The following WEE2 variants were observed in gnomAD, a reference collection of about 807,000 sequenced individuals.
WEE2 encodes WEE2 oocyte meiosis inhibiting kinase.
In WEE2, 50 loss-of-function variants were observed where a neutral mutation model predicts 60.1. That is an observed-to-expected ratio of 0.83 (90% CI 0.66 to 1.05). The LOEUF (loss-of-function observed/expected upper bound fraction) is 1.05. Among genes scored for constraint, WEE2 ranks in the 50% least tolerant of loss-of-function variants. WEE2 has a pLI of 0.00. For synonymous variants in WEE2, 240 were observed against 241.0 expected, an observed-to-expected ratio of 1.00 and a Z score of 0.04; for missense variants, 631 against 684.3, an observed-to-expected ratio of 0.92 and a Z score of 0.87.
At chr7:141,717,064 G>A (rs570579994) in intron 3 of WEE2, among the ~76,000 whole-genome samples, 2 of 152,288 alleles carry the variant, frequency 1.3e-5, no homozygotes, top group Admixed American at 1.3e-4. Context: ...CCATTAAGAT[G>A]TTTATAACAC....
chr7:141,726,466 T>C (rs909091515), intron 9 of WEE2, among the ~76,000 whole-genome samples: 3 of 152,098 alleles, frequency 2.0e-5, no homozygotes, highest in Non-Finnish European at 2.9e-5. Flanking sequence ...ACTTCAAATG[T>C]ATTTACAAAT....
At chr7:141,726,631 C>T (rs1405377047) in intron 9 of WEE2, among the ~76,000 whole-genome samples, 1 of 152,080 alleles carries the variant, frequency 6.6e-6, no homozygotes, top group African/African-American at 2.4e-5. Flanking sequence ...CTAGATAAGA[C>T]ATATATTAAT....
At chr7:141,728,989 A>G (rs1799074365) in intron 10 of WEE2, among the ~76,000 whole-genome samples, 1 of 152,216 alleles carries the variant, frequency 6.6e-6, no homozygotes, top group South Asian at 2.1e-4. Context: ...CCCTGGTTCC[A>G]AAAAGGTTGG....
At chr7:141,713,987 T>C (rs115699957) in intron 1 of WEE2, among the ~76,000 whole-genome samples, 2 of 152,166 alleles carry the variant, frequency 1.3e-5, no homozygotes, top group African/African-American at 2.4e-5. Context: ...AAAGTACAGA[T>C]TCCTGTGTTG....
Position 141,724,192 on chromosome 7 carries a change from G to C in WEE2, c.1138G>C (p.Asp380His). 1 of 1,607,086 alleles carries C rather than the reference G, an allele frequency of 6.2e-7. No homozygotes were observed. The highest frequency in any genetic ancestry group is 8.5e-7 in the Non-Finnish European group (1 of 1,178,370). ...LSANVMYKIG[D>H]LGHATSINKP... ...TTTTTCCTTTTTCTTTTTTTTAGGT[G>C]ACCTGGGCCACGCAACATCAATAAA... The change falls in exon 8 of 12, where the codon GAC (aspartate) becomes CAC (histidine). Residue 380 changes from aspartate (D) to histidine (H), a missense_variant and splice_region_variant. Asp to His is a moderately conservative substitution (Grantham distance 81). Coordinates refer to ENST00000397541, the MANE Select transcript of WEE2 (RefSeq NM_001105558.1).
intron 3 of WEE2, among the ~76,000 whole-genome samples, chr7:141,717,972 A>G (rs896599683): frequency 1.3e-5 from 2 of 152,156 alleles, no homozygotes; most frequent in Non-Finnish European, 1.5e-5. Flanking sequence ...ACAATTAGGC[A>G]TCTCTGATTC....
At chr7:141,726,243 A>G (rs1199219439) in intron 9 of WEE2, among the ~76,000 whole-genome samples, 5 of 152,162 alleles carry the variant, frequency 3.3e-5, no homozygotes, top group Non-Finnish European at 5.9e-5. Context: ...CCTTAGAAAT[A>G]TCTACTTCCT....
intron 10 of WEE2, chr7:141,728,055 C>T (rs538644476): frequency 1.3e-5 from 2 of 152,380 alleles, no homozygotes; most frequent in Non-Finnish European, 2.9e-5. Flanking sequence ...ATCGATTGCA[C>T]TCCGGATGTG....
intron 9 of WEE2, 37 bp from the exon 10 acceptor site, chr7:141,727,267 A>C: frequency 6.3e-7 from 1 of 1,581,106 alleles, no homozygotes; most frequent in South Asian, 1.2e-5. Flanking sequence ...CCAATAGTGA[A>C]GCTTCTGTTT....
In WEE2 at chr7:141,730,371, C is replaced by A; in HGVS notation, c.*51C>A. ...GTTTGGCCTATGGATTACGAGGTTG[C>A]TGTTGCTGATTCCCCACCAAAGATC... On this transcript the variant is annotated 3_prime_UTR_variant, in exon 12 of 12. Transcript: ENST00000397541. 1 of 1,556,568 alleles carries A rather than the reference C, an allele frequency of 6.4e-7. No homozygotes were observed. Among genetic ancestry groups the A allele is most frequent in the Non-Finnish European group, 8.8e-7 (1 of 1,131,466 alleles).
At position 141,730,425 on chromosome 7, in the gene WEE2, T is replaced by A. The variant is rs960440691; in HGVS notation, c.*105T>A. Reference sequence around the variant, plus strand: ...GGGACTCGTTGTACATAGAAAGGAATAGAATTTAGTTTAGAGTTGAAGTCA... The same window carrying A: ...GGGACTCGTTGTACATAGAAAGGAAAAGAATTTAGTTTAGAGTTGAAGTCA... On this transcript the variant is annotated 3_prime_UTR_variant, in exon 12 of 12. Coordinates refer to ENST00000397541, the MANE Select transcript of WEE2 (RefSeq NM_001105558.1). The A allele has an allele frequency of 1.9e-6, 2 of 1,066,194 alleles. No individual in the cohort carries two copies. The highest frequency in any genetic ancestry group is 2.5e-5 in the East Asian group (1 of 39,472). 66.0% of individuals were successfully genotyped at this position (1,066,194 alleles called of 1,614,324 possible). A position where few individuals can be genotyped will look rare whatever the true frequency, so the allele number is the denominator to read the frequency against.
At chr7:141,723,385 T>A in intron 6 of WEE2, 105 bp downstream of exon 6, 1 of 1,233,752 alleles carries the variant, frequency 8.1e-7, no homozygotes, top group East Asian at 2.4e-5. Context: ...CGGTGTTTGC[T>A]GGCAGAACCC....
Position 141,726,373 on chromosome 7 carries a change from TG to T in WEE2, c.1393-928del, listed in dbSNP as rs1186259107. ...ATAGCTTACTGCAGCCTTGAACTCC[TG>T]GGCTCGAGCAATCCTCCTGCCTCAG... On this transcript the variant is annotated intron_variant, in intron 9 of 11. Transcript: ENST00000397541. 2.0e-5 allele frequency among the ~76,000 whole-genome samples: 3 copies of T among 152,310 alleles called. No homozygotes were observed. In the East Asian group the frequency reaches 5.8e-4, roughly 29 times the overall value.
At chr7:141,723,810 A>G (rs1383703101) in intron 6 of WEE2, 131 bp from the exon 7 acceptor site, 3 of 603,398 alleles carry the variant, frequency 5.0e-6, no homozygotes, top group Non-Finnish European at 8.4e-6. Flanking sequence ...TACAAAAAAA[A>G]AACCTTAGTA....
chr7:141,716,409 C>A, intron 3 of WEE2, 142 bp downstream of exon 3: 1 of 761,014 alleles, frequency 1.3e-6, no homozygotes, highest in Non-Finnish European at 2.2e-6. Context: ...ACCCTCCCCT[C>A]CTCTCCTTCA....
chr7:141,725,044 A>G lies in WEE2; in HGVS notation c.1240A>G (p.Lys414Glu). 1.2e-6 allele frequency: 2 copies of G among 1,613,976 alleles called. No individual in the cohort carries two copies. Among genetic ancestry groups the G allele is most frequent in the Non-Finnish European group, 1.7e-6 (2 of 1,179,914 alleles). ...TTTGAAGGATTACCGGCACCTTCCC[A>G]AAGCAGACATATTTGCCTTGGGATT... ...ILQEDYRHLP[K>E]ADIFALGLTI... The change falls in exon 9 of 12, where the codon AAA becomes GAA. Residue 414 changes from lysine (K) to glutamate (E), a missense_variant. Lys to Glu is a moderately conservative substitution (Grantham distance 56). Coordinates refer to ENST00000397541, the MANE Select transcript of WEE2 (RefSeq NM_001105558.1).
At position 141,725,248 on chromosome 7, in the gene WEE2, C is replaced by T. The variant is rs761152998; in HGVS notation, c.1392+52C>T. The T allele has an allele frequency of 5.3e-5, 83 of 1,562,532 alleles. No homozygotes were observed. The East Asian group carries it at 1.3e-3, about 24-fold the overall frequency. The stretch of plus-strand genomic sequence containing the variant: ...AGATGCAATATCTATTTTTTTAGTG[C>T]GATGGCAACTAGTTGGGCAAAGAAA... On this transcript the variant is annotated intron_variant, in intron 9 of 11. Coordinates refer to ENST00000397541, the MANE Select transcript of WEE2 (RefSeq NM_001105558.1).
chr7:141,728,409 G>C (rs1799059334), intron 10 of WEE2, among the ~76,000 whole-genome samples: 1 of 152,092 alleles, frequency 6.6e-6, no homozygotes, highest in South Asian at 2.1e-4. Flanking sequence ...GAGACTCTTG[G>C]CCTTTAGTCA....
At chr7:141,729,757 G>A (rs1799096026) in intron 11 of WEE2, 84 bp downstream of exon 11, 2 of 1,477,484 alleles carry the variant, frequency 1.4e-6, no homozygotes, top group African/African-American at 1.4e-5. Context: ...GGGAGGCCAA[G>A]GCAGGTGGAT....
Sources: gnomAD v4.1 joint callset for allele counts (sites outside exome capture counted in the v4.1 genomes callset) on GRCh38, gnomAD v4.1.1 for gene constraint, MANE v1.5 for transcripts, NCBI Gene and HGNC (gene_info 2026-07-23, HGNC 2026-07-21) for gene names.